LRRC1: variants seen among roughly 807,000 people sequenced by gnomAD.
LRRC1 encodes leucine rich repeat containing 1.
Under a neutral mutation model 69.9 loss-of-function variants are expected in LRRC1, and 28 were observed. That is an observed-to-expected ratio of 0.40 (90% confidence interval 0.30 to 0.55). LRRC1 has a LOEUF of 0.55. Ranked by LOEUF, LRRC1 falls within the 20% of genes least tolerant of loss-of-function variation. The probability of loss-of-function intolerance (pLI) is 0.47; values close to 1 mark genes in which losing one functional copy is unlikely to be tolerated. For synonymous variants in LRRC1, 236 were observed against 240.2 expected (o/e 0.98, Z 0.16); for missense variants, 498 against 609.0 (o/e 0.82, Z 1.92).
chr6:53,911,552 C>A (rs754038947), intron 10 of LRRC1, among the ~76,000 whole-genome samples: 7 of 152,284 alleles, frequency 4.6e-5, no homozygotes, highest in Middle Eastern at 3.4e-3. Context: ...GCTTTGCCCC[C>A]CTTGGGTCAC....
intron 1 of LRRC1, among the ~76,000 whole-genome samples, chr6:53,810,191 C>T (rs571897147): frequency 6.6e-5 from 10 of 152,202 alleles, no homozygotes; most frequent in Non-Finnish European, 1.0e-4. Flanking sequence ...CTTGCAGACA[C>T]CCTTCTTTCC....
intron 9 of LRRC1, among the ~76,000 whole-genome samples, chr6:53,903,187 T>C (rs1258659441): frequency 6.6e-6 from 1 of 151,942 alleles, no homozygotes; most frequent in Non-Finnish European, 1.5e-5. Flanking sequence ...CTTGGCAGGA[T>C]GGGGGCTGGG....
intron 1 of LRRC1, among the ~76,000 whole-genome samples, chr6:53,827,541 G>A (rs1765308947): frequency 1.3e-5 from 2 of 152,248 alleles, no homozygotes; most frequent in African/African-American, 2.4e-5. Flanking sequence ...CAGAGAGGTC[G>A]TGGCATTTGA....
chr6:53,920,101 A>G (rs934187187), intron 12 of LRRC1, among the ~76,000 whole-genome samples: 1 of 152,232 alleles, frequency 6.6e-6, no homozygotes, highest in African/African-American at 2.4e-5. Context: ...AGTAACAGCA[A>G]AATGCTATTA....
chr6:53,858,739 GACAAGGT>G (rs1051974002), intron 2 of LRRC1, among the ~76,000 whole-genome samples: 2 of 152,180 alleles, frequency 1.3e-5, no homozygotes, highest in African/African-American at 4.8e-5. Context: ...GGTGCTGTGT[GACAAGGT>G]ATGGGGTTTA....
chr6:53,837,157 A>C (rs1039070427), intron 1 of LRRC1, among the ~76,000 whole-genome samples: 3 of 151,820 alleles, frequency 2.0e-5, no homozygotes, highest in Admixed American at 2.0e-4. Flanking sequence ...TTGGGGTATT[A>C]TAAATAATTC....
chr6:53,831,756 A>T (rs1308378801), intron 1 of LRRC1, among the ~76,000 whole-genome samples: 2 of 152,162 alleles, frequency 1.3e-5, no homozygotes, highest in Admixed American at 6.5e-5. Flanking sequence ...CTGTCAACTC[A>T]GATTAATTTT....
intron 1 of LRRC1, among the ~76,000 whole-genome samples, chr6:53,830,072 A>G (rs530402817): frequency 6.6e-6 from 1 of 152,342 alleles, no homozygotes; most frequent in South Asian, 2.1e-4. Context: ...AGCTGCAATG[A>G]AAGAACTGTC....
At chr6:53,905,831 T>C (rs1469880078) in intron 10 of LRRC1, among the ~76,000 whole-genome samples, 1 of 152,232 alleles carries the variant, frequency 6.6e-6, no homozygotes, top group Non-Finnish European at 1.5e-5. Flanking sequence ...AACACTGTCA[T>C]CTAAGTAAAC....
intron 2 of LRRC1, among the ~76,000 whole-genome samples, chr6:53,861,056 G>A (rs373900117): frequency 2.0e-5 from 3 of 152,010 alleles, no homozygotes; most frequent in African/African-American, 7.3e-5. Context: ...GAAGGGTTGA[G>A]GATTGAAAAA....
rs78322422 is a variant in LRRC1 at position 53,869,904 on chromosome 6, C to G, written c.278-9089C>G. Among the ~76,000 whole-genome samples the G allele has an allele frequency of 1.5e-3, 227 of 152,284 alleles. 1 individual carries two copies. Among genetic ancestry groups the G allele is most frequent in the Non-Finnish European group, 2.8e-3 (189 of 68,026 alleles). On this transcript the variant is annotated intron_variant, in intron 2 of 13. Coordinates refer to ENST00000370888, the MANE Select transcript of LRRC1 (RefSeq NM_018214.5). ...GGTAAGCAACTTGCTTAAAGCAAAC[C>G]AGCAATCAAGACTCTTTAACCCACA...
At chr6:53,839,655 A>T (rs192660914) in intron 1 of LRRC1, among the ~76,000 whole-genome samples, 1 of 152,056 alleles carries the variant, frequency 6.6e-6, no homozygotes, top group African/African-American at 2.4e-5. Flanking sequence ...ATGAGGCTTT[A>T]GTTCTTACAG....
rs1366802054 is a variant in LRRC1 at position 53,924,004 on chromosome 6, G to A, written c.*1211G>A. On this transcript the variant is annotated 3_prime_UTR_variant, in exon 14 of 14. Coordinates refer to ENST00000370888, the MANE Select transcript of LRRC1 (RefSeq NM_018214.5). ...GGAAAAGTTTTGGTGTGTTTCTGTTGATTTCTTTTTTGTATGCTGTGATAA... is the reference window on the plus strand; with the variant it reads ...GGAAAAGTTTTGGTGTGTTTCTGTTAATTTCTTTTTTGTATGCTGTGATAA... 1 of 152,600 alleles carries A rather than the reference G, an allele frequency of 6.6e-6. No individual in the cohort carries two copies. Among genetic ancestry groups the A allele is most frequent in the African/African-American group, 2.4e-5 (1 of 41,444 alleles). 9.5% of individuals were successfully genotyped at this position (152,600 alleles called of 1,614,324 possible).
At chr6:53,820,484 G>A (rs1765085670) in intron 1 of LRRC1, among the ~76,000 whole-genome samples, 2 of 150,362 alleles carry the variant, frequency 1.3e-5, no homozygotes, top group African/African-American at 4.9e-5. Context: ...ATATTGAACA[G>A]TGTGAAGCCC....
intron 2 of LRRC1, among the ~76,000 whole-genome samples, chr6:53,877,995 A>C (rs750652971): frequency 1.3e-5 from 2 of 152,222 alleles, no homozygotes; most frequent in Non-Finnish European, 2.9e-5. Flanking sequence ...TAATGGACTT[A>C]CAGTTCCACA....
At chr6:53,854,066 T>C (rs1766233082) in intron 2 of LRRC1, among the ~76,000 whole-genome samples, 2 of 152,210 alleles carry the variant, frequency 1.3e-5, no homozygotes, top group African/African-American at 4.8e-5. Context: ...CATAGTCATA[T>C]CTTCTCTGAG....
chr6:53,827,385 A>G (rs1765302836), intron 1 of LRRC1, among the ~76,000 whole-genome samples: 1 of 151,352 alleles, frequency 6.6e-6, no homozygotes, highest in South Asian at 2.1e-4. Context: ...TCTATTGAGT[A>G]GAACTGTGGC....
intron 1 of LRRC1, among the ~76,000 whole-genome samples, chr6:53,816,061 A>G (rs1048872811): frequency 3.9e-5 from 6 of 152,184 alleles, no homozygotes; most frequent in African/African-American, 1.4e-4. Flanking sequence ...ATTTTAATAG[A>G]AAGTTTTACT....
chr6:53,823,734 C>T (rs1440940487), intron 1 of LRRC1, among the ~76,000 whole-genome samples: 1 of 152,148 alleles, frequency 6.6e-6, no homozygotes, highest in African/African-American at 2.4e-5. Context: ...TAAGTGAGAA[C>T]ATGCAATATT....
Sources: gnomAD v4.1 joint callset for allele counts (sites outside exome capture counted in the v4.1 genomes callset) on GRCh38, gnomAD v4.1.1 for gene constraint, MANE v1.5 for transcripts, NCBI Gene and HGNC (gene_info 2026-07-23, HGNC 2026-07-21) for gene names.